Variants in PARD3B observed in about 807,000 individuals in gnomAD.
The protein encoded by PARD3B is par-3 family cell polarity regulator beta, also known as partitioning defective 3 homolog B.
A neutral mutation model predicts 130.2 loss-of-function variants in PARD3B; 103 were observed. The ratio of observed to expected loss-of-function variants is 0.79; its 90% CI spans 0.67 to 0.93. The LOEUF (loss-of-function observed/expected upper bound fraction) is 0.93. Among genes scored for constraint, PARD3B ranks in the 40% least tolerant of loss-of-function variants. The pLI is 0.00. For synonymous variants in PARD3B, 583 were observed against 553.2 expected, an observed-to-expected ratio of 1.05 and a Z score of -0.76; for missense variants, 1,609 against 1,499.2, an observed-to-expected ratio of 1.07 and a Z score of -1.21.
chr2:204,812,057 C>G (rs1463412226), intron 2 of PARD3B, among the ~76,000 whole-genome samples: 2 of 152,104 alleles, frequency 1.3e-5, no homozygotes, highest in African/African-American at 4.8e-5. Context: ...CCCTTCCAAT[C>G]CATTCTAAAC....
intron 10 of PARD3B, among the ~76,000 whole-genome samples, chr2:205,147,011 T>C (rs1300316216): frequency 6.6e-6 from 1 of 152,178 alleles, no homozygotes; most frequent in African/African-American, 2.4e-5. Context: ...CCACCGTGCC[T>C]GGCCACAGTC....
chr2:204,624,942 T>A (rs1048931077), intron 1 of PARD3B, among the ~76,000 whole-genome samples: 4 of 152,160 alleles, frequency 2.6e-5, no homozygotes, highest in African/African-American at 9.7e-5. Context: ...AATTGTGTAG[T>A]GATATCTCAT....
At chr2:205,071,768 A>G (rs1700745778) in intron 4 of PARD3B, among the ~76,000 whole-genome samples, 1 of 152,338 alleles carries the variant, frequency 6.6e-6, no homozygotes, top group African/African-American at 2.4e-5. Context: ...TTTTTAAAAT[A>G]AATTATTGTT....
Position 205,265,481 on chromosome 2 carries a change from T to A in PARD3B, c.2185+19659T>A, listed in dbSNP as rs2040468678. The stretch of plus-strand genomic sequence containing the variant: ...CTTTTCTGCCTACAAATGGGACGAT[T>A]CCTGATATGTGTAGATTAGGGTGAA... On this transcript the variant is annotated intron_variant, in intron 16 of 22. Coordinates refer to ENST00000406610, the MANE Select transcript of PARD3B (RefSeq NM_001302769.2). The surrounding 1 kb of genome is among the most constrained non-coding windows in gnomAD (Gnocchi z 4.3). Among the ~76,000 whole-genome samples, 1 of 152,024 alleles carries A rather than the reference T, an allele frequency of 6.6e-6. No homozygotes were observed. Among genetic ancestry groups the A allele is most frequent in the South Asian group, 2.1e-4 (1 of 4,832 alleles).
chr2:204,570,965 T>C (rs2031969088), intron 1 of PARD3B, among the ~76,000 whole-genome samples: 2 of 151,368 alleles, frequency 1.3e-5, no homozygotes, highest in African/African-American at 2.4e-5. Context: ...GTAACTGAGG[T>C]GTATAAGCTG....
intron 15 of PARD3B, among the ~76,000 whole-genome samples, chr2:205,222,036 G>A (rs1186134373): frequency 6.6e-6 from 1 of 151,776 alleles, no homozygotes; most frequent in Non-Finnish European, 1.5e-5. Flanking sequence ...GAAATAATCT[G>A]TTCAACAGAC....
At chr2:204,846,086 A>G (rs2044452811) in intron 2 of PARD3B, among the ~76,000 whole-genome samples, 1 of 152,114 alleles carries the variant, frequency 6.6e-6, no homozygotes, top group Admixed American at 6.6e-5. Flanking sequence ...AGAAAAGGAA[A>G]AAAAATGCAA....
rs866798515 is a variant in PARD3B at position 204,929,853 on chromosome 2, C to T, written c.223-35299C>T. Among the ~76,000 whole-genome samples the T allele has an allele frequency of 4.6e-5, 7 of 152,050 alleles. No individual in the cohort carries two copies. The Middle Eastern group carries it at 0.017, about 369-fold the overall frequency. The stretch of plus-strand genomic sequence containing the variant: ...CCAGACAATTTAAGTCTTCCTGAAT[C>T]CAACTGTATTTCTATTCCGTAACAG... On this transcript the variant is annotated intron_variant, in intron 2 of 22. Coordinates refer to ENST00000406610, the MANE Select transcript of PARD3B (RefSeq NM_001302769.2).
chr2:205,616,837 G>A lies in PARD3B; in HGVS notation c.*1024G>A, dbSNP rs115534458. On this transcript the variant is annotated 3_prime_UTR_variant, in exon 23 of 23. Transcript: ENST00000406610. ...GTAACCATCTGCACTCGGGGACAGC[G>A]AGGAGCTGACCATGGCCTCTGATGA... 412 of 153,772 alleles carry A rather than the reference G, an allele frequency of 2.7e-3. 4 individuals carry two copies. The highest frequency in any genetic ancestry group is 9.3e-3 in the African/African-American group (387 of 41,618). 9.5% of individuals were successfully genotyped at this position (153,772 alleles called of 1,614,324 possible). A position where few individuals can be genotyped will look rare whatever the true frequency, so the allele number is the denominator to read the frequency against.
At chr2:205,577,708 G>T (rs967220309) in intron 22 of PARD3B, among the ~76,000 whole-genome samples, 1 of 152,098 alleles carries the variant, frequency 6.6e-6, no homozygotes, top group African/African-American at 2.4e-5. Flanking sequence ...AAAGACAGTA[G>T]GAATATTTTT....
chr2:205,064,236 A>AT (rs1700227664), intron 4 of PARD3B, among the ~76,000 whole-genome samples: 2 of 152,202 alleles, frequency 1.3e-5, no homozygotes, highest in Admixed American at 1.3e-4. Context: ...CATGTAATTC[A>AT]TGAGAGTGTT....
At chr2:204,780,437 A>G (rs567931213) in intron 2 of PARD3B, among the ~76,000 whole-genome samples, 96 of 152,340 alleles carry the variant, frequency 6.3e-4, no homozygotes, top group African/African-American at 2.3e-3. Context: ...TGCATGAAAC[A>G]GATTTTTTAA....
At chr2:205,256,640 T>A (rs935487999) in intron 16 of PARD3B, among the ~76,000 whole-genome samples, 3 of 152,178 alleles carry the variant, frequency 2.0e-5, no homozygotes, top group Non-Finnish European at 4.4e-5. Context: ...ATTTATGGAT[T>A]AAAAAATAAC....
intron 2 of PARD3B, among the ~76,000 whole-genome samples, chr2:204,687,216 A>G (rs533544018): frequency 1.3e-5 from 2 of 152,172 alleles, no homozygotes; most frequent in Admixed American, 6.6e-5. Flanking sequence ...TTCTTTTTCC[A>G]TAAGATCTCT....
intron 2 of PARD3B, among the ~76,000 whole-genome samples, chr2:204,720,801 GTTTA>G (rs1232553371): frequency 6.6e-6 from 1 of 152,118 alleles, no homozygotes; most frequent in Non-Finnish European, 1.5e-5. Context: ...AAGATGGAAT[GTTTA>G]TTTCTTTCTC....
At chr2:204,659,743 A>G (rs556947717) in intron 1 of PARD3B, among the ~76,000 whole-genome samples, 2 of 152,322 alleles carry the variant, frequency 1.3e-5, no homozygotes, top group Admixed American at 6.5e-5. Context: ...GAATGGTGAC[A>G]TCTGAGACCA....
chr2:204,586,180 C>G (rs1234345723), intron 1 of PARD3B, among the ~76,000 whole-genome samples: 3 of 152,132 alleles, frequency 2.0e-5, no homozygotes, highest in Admixed American at 6.5e-5. Flanking sequence ...ACCATATTTT[C>G]TTTCTAATGG....
At chr2:205,411,670 T>A (rs1237407267) in intron 19 of PARD3B, among the ~76,000 whole-genome samples, 1 of 152,138 alleles carries the variant, frequency 6.6e-6, no homozygotes, top group Non-Finnish European at 1.5e-5. Context: ...GTTGCTGAAT[T>A]GGATCCTGTT....
intron 19 of PARD3B, among the ~76,000 whole-genome samples, chr2:205,436,021 A>G (rs903667028): frequency 6.6e-6 from 1 of 152,170 alleles, no homozygotes; most frequent in African/African-American, 2.4e-5. Context: ...TCAAGGTGCC[A>G]TCAGGTTCAG....
Sources: allele counts gnomAD v4.1 joint callset (sites outside exome capture counted in the v4.1 genomes callset), GRCh38; gene constraint gnomAD v4.1.1; non-coding constraint Gnocchi (gnomAD v3.1); transcripts MANE v1.5; gene names NCBI Gene and HGNC (gene_info 2026-07-23, HGNC 2026-07-21).